The following B4GALNT2 variants were observed in gnomAD, a reference collection of about 807,000 sequenced individuals.
The protein encoded by B4GALNT2 is N-acetylneuraminylgalactosylglucosyl-glucoside beta-1,4-N- acetylgalactosaminyltransferase 2.
A neutral mutation model predicts 51.1 loss-of-function variants in B4GALNT2; 42 were observed. The ratio of observed to expected loss-of-function variants is 0.82; its 90% CI spans 0.64 to 1.06. The LOEUF is 1.06. Ranked by LOEUF, B4GALNT2 falls within the 50% of genes least tolerant of loss-of-function variation. The pLI, the probability that B4GALNT2 is intolerant of heterozygous loss-of-function variation, is 0.00. For missense variants in B4GALNT2, 602 were observed against 633.6 expected (o/e 0.95, Z 0.54); for synonymous variants, 253 against 251.7 (o/e 1.01, Z -0.05).
chr17:49,149,054 C>CAA (rs34268884), intron 3 of B4GALNT2: 19,400 of 113,976 alleles, frequency 0.17, 1,716 homozygotes, highest in East Asian at 0.45. Context: ...GACCTTGTCT[C>CAA]AAAAAAAAAA....
intron 3 of B4GALNT2, among the ~76,000 whole-genome samples, chr17:49,146,414 A>C (rs191592973): frequency 4.3e-4 from 66 of 152,164 alleles, no homozygotes; most frequent in African/African-American, 1.5e-3. Context: ...AGGCTCAAGC[A>C]ATTCTTCTGG....
the B4GALNT2 span, among the ~76,000 whole-genome samples, chr17:49,121,144 C>G: frequency 6.6e-6 from 1 of 152,166 alleles, no homozygotes; most frequent in Non-Finnish European, 1.5e-5. Flanking sequence ...GGAAAACACT[C>G]CCAGCACTCA....
chr17:49,142,307 G>A, intron 3 of B4GALNT2, 135 bp downstream of exon 3: 1 of 1,122,992 alleles, frequency 8.9e-7, no homozygotes, highest in South Asian at 1.7e-5. Context: ...GGAACTATTA[G>A]GAATGAAACA....
chr17:49,136,854 A>T (rs1419782726), intron 1 of B4GALNT2, among the ~76,000 whole-genome samples: 1 of 152,114 alleles, frequency 6.6e-6, no homozygotes, highest in Non-Finnish European at 1.5e-5. Flanking sequence ...GCCTCACATT[A>T]GAGTTTTACA....
intron 3 of B4GALNT2, 38 bp from the exon 4 acceptor site, chr17:49,152,762 C>T (rs1166202266): frequency 7.0e-7 from 1 of 1,424,562 alleles, no homozygotes; most frequent in South Asian, 1.2e-5. Flanking sequence ...GGACCAGCAT[C>T]AGGGCAGCTG....
chr17:49,137,548 C>T (rs749420310), intron 1 of B4GALNT2, among the ~76,000 whole-genome samples: 1 of 152,136 alleles, frequency 6.6e-6, no homozygotes, highest in Non-Finnish European at 1.5e-5. Flanking sequence ...CTGTAAATTA[C>T]CCAGTCTCAG....
At chr17:49,156,386 C>A (rs1005715236) in intron 4 of B4GALNT2, among the ~76,000 whole-genome samples, 180 bp from the exon 5 acceptor site, 7 of 152,200 alleles carry the variant, frequency 4.6e-5, no homozygotes, top group African/African-American at 1.7e-4. Flanking sequence ...AGAAAGACCA[C>A]GAAACACCAC....
chr17:49,157,183 C>T (rs2042818152), intron 5 of B4GALNT2, among the ~76,000 whole-genome samples: 1 of 152,116 alleles, frequency 6.6e-6, no homozygotes, highest in African/African-American at 2.4e-5. Flanking sequence ...TTTTTTGAGA[C>T]AGGGTCTCAC....
chr17:49,150,500 AG>A (rs1355866935), intron 3 of B4GALNT2, among the ~76,000 whole-genome samples: 9 of 152,240 alleles, frequency 5.9e-5, no homozygotes, highest in African/African-American at 1.9e-4. Context: ...GGTGGGGAAA[AG>A]ATTGAGAAAT....
At chr17:49,133,913 AAAAC>A (rs759093006) in intron 1 of B4GALNT2, among the ~76,000 whole-genome samples, 2,771 of 151,592 alleles carry the variant, frequency 0.018, 90 homozygotes, top group African/African-American at 0.063. Flanking sequence ...CTCTGTCTCA[AAAAC>A]AAACAAACAA....
chr17:49,166,306 G>C lies in B4GALNT2; in HGVS notation c.1095+52G>C. ...AGCCACAATCTGTAGAGATGGAGAA[G>C]AGGGGAGAAGAGAGCGGGAAGAAAT... is the stretch of plus-strand genomic sequence containing the variant. On this transcript the variant is annotated intron_variant, in intron 9 of 10. Transcript: ENST00000393354. 2.0e-6 allele frequency: 3 copies of C among 1,473,996 alleles called. No individual in the cohort carries two copies. In the South Asian group the frequency reaches 3.9e-5, roughly 19 times the overall value. 91.3% of individuals were successfully genotyped at this position (1,473,996 alleles called of 1,614,324 possible). A position where few individuals can be genotyped will look rare whatever the true frequency, so the allele number is the denominator to read the frequency against.
At chr17:49,169,288 G>C (rs1017010493) in intron 10 of B4GALNT2, among the ~76,000 whole-genome samples, 4 of 152,072 alleles carry the variant, frequency 2.6e-5, no homozygotes, top group African/African-American at 9.7e-5. Context: ...AAGCCAATCT[G>C]TGCCACTCTG....
In B4GALNT2 at chr17:49,171,193, C is replaced by T; in HGVS notation, c.*1465C>T. ...TTTTCCAAAGTGATAAAAGCAAAGG[C>T]AGCTTTGTCATGGTGAGCTAATTCT... On this transcript the variant is annotated 3_prime_UTR_variant, in exon 11 of 11. Transcript: ENST00000393354. 4.5e-6 allele frequency: 1 copy of T among 222,940 alleles called. No homozygotes were observed. Among genetic ancestry groups the T allele is most frequent in the Non-Finnish European group, 9.0e-6 (1 of 111,308 alleles). The allele number at this position is 222,940 out of a possible 1,614,324, so 13.8% of individuals were successfully genotyped here. A position where few individuals can be genotyped will look rare whatever the true frequency, so the allele number is the denominator to read the frequency against.
At chr17:49,132,619 G>T (rs2411898), upstream of B4GALNT2, 531 of 628,860 alleles carry the variant, frequency 8.4e-4, 4 homozygotes, top group African/African-American at 9.4e-3. Flanking sequence ...CCAGGGTAGA[G>T]ATGGGGGCGC....
At chr17:49,125,285 G>A in the B4GALNT2 span, among the ~76,000 whole-genome samples, 1 of 151,958 alleles carries the variant, frequency 6.6e-6, no homozygotes, top group African/African-American at 2.4e-5. Context: ...TCAGCCTCCC[G>A]AGTAGCTGGG....
chr17:49,164,791 G>A (rs1300308618), intron 8 of B4GALNT2, among the ~76,000 whole-genome samples: 2 of 151,256 alleles, frequency 1.3e-5, no homozygotes, highest in Non-Finnish European at 2.9e-5. Flanking sequence ...ATCACACCCA[G>A]CCTCTCATTT....
intron 3 of B4GALNT2, chr17:49,148,329 C>T: frequency 2.8e-6 from 1 of 359,784 alleles, no homozygotes; most frequent in Non-Finnish European, 5.5e-6. Context: ...AACAAAAGTC[C>T]TCTCCAATTT....
the B4GALNT2 span, among the ~76,000 whole-genome samples, chr17:49,120,516 G>C: frequency 7.4e-5 from 10 of 134,568 alleles, no homozygotes; most frequent in African/African-American, 2.7e-5. Context: ...GTGTGTGTGT[G>C]TGTATGTGTG....
chr17:49,168,671 T>C lies in B4GALNT2; in HGVS notation c.1096-10T>C. 1 of 1,611,894 alleles carries C rather than the reference T, an allele frequency of 6.2e-7. No homozygotes were observed. Among genetic ancestry groups the C allele is most frequent in the Non-Finnish European group, 8.5e-7 (1 of 1,179,106 alleles). On this transcript the variant is annotated splice_polypyrimidine_tract_variant and intron_variant, in intron 9 of 10. Coordinates refer to ENST00000393354, the MANE Select transcript of B4GALNT2 (RefSeq NM_001159387.2). The stretch of plus-strand genomic sequence containing the variant: ...GCACTCTAACATGGATTTCTCTGCC[T>C]GCTGGCTAGGTAGGCGGCAGTGTGC...
Sources: allele counts gnomAD v4.1 joint callset (sites outside exome capture counted in the v4.1 genomes callset), GRCh38; gene constraint gnomAD v4.1.1; transcripts MANE v1.5; gene names NCBI Gene and HGNC (gene_info 2026-07-23, HGNC 2026-07-21).